Variants in FEZ1 observed in about 807,000 individuals in gnomAD.
FEZ1 encodes fasciculation and elongation protein zeta 1, also known as fasciculation and elongation protein zeta-1.
In FEZ1, 20 loss-of-function variants were observed where a neutral mutation model predicts 49.3. The ratio of observed to expected loss-of-function variants is 0.41; its 90% CI spans 0.29 to 0.59. The LOEUF (loss-of-function observed/expected upper bound fraction) is 0.59, where lower values mean the gene tolerates loss of function less well. Among genes scored for constraint, FEZ1 ranks in the 20% least tolerant of loss-of-function variants. The probability of loss-of-function intolerance (pLI) is 0.36; values close to 1 mark genes in which losing one functional copy is unlikely to be tolerated. For synonymous variants in FEZ1, 170 were observed against 180.9 expected, an observed-to-expected ratio of 0.94 and a Z score of 0.48; for missense variants, 413 against 476.0, an observed-to-expected ratio of 0.87 and a Z score of 1.23.
At chr11:125,468,400 G>A (rs1218899031) in intron 3 of FEZ1, among the ~76,000 whole-genome samples, 1 of 152,012 alleles carries the variant, frequency 6.6e-6, no homozygotes, top group East Asian at 1.9e-4. Context: ...TCTTTACCCA[G>A]GCTGGCTTCT....
chr11:125,467,586 C>G (rs1338442728), intron 3 of FEZ1, among the ~76,000 whole-genome samples: 4 of 152,328 alleles, frequency 2.6e-5, no homozygotes, highest in South Asian at 2.1e-4. Context: ...CATGGTGTCT[C>G]ATGCCTGTAA....
chr11:125,459,489 G>A (rs999733227), intron 5 of FEZ1, among the ~76,000 whole-genome samples: 1 of 152,100 alleles, frequency 6.6e-6, no homozygotes, highest in Non-Finnish European at 1.5e-5. Flanking sequence ...CTACTCAGGG[G>A]GCTGAGGCAG....
Position 125,491,564 on chromosome 11 carries a change from C to T in FEZ1, c.-45-1742G>A, listed in dbSNP as rs1481344229. On this transcript the variant is annotated intron_variant, in intron 1 of 9. Transcript: ENST00000278919. ...AGAAAGGCTACCAAGCTTTTCTCTT[C>T]GGTCTATAGGGTTATTGATATAGTT... 2.6e-5 allele frequency among the ~76,000 whole-genome samples: 4 copies of T among 152,164 alleles called. No individual in the cohort carries two copies. The East Asian group carries it at 5.8e-4, about 22-fold the overall frequency.
At chr11:125,461,100 A>G (rs1957070031) in intron 4 of FEZ1, among the ~76,000 whole-genome samples, 1 of 152,190 alleles carries the variant, frequency 6.6e-6, no homozygotes, top group South Asian at 2.1e-4. Context: ...ACAACACAAA[A>G]TGGGGAGGAA....
chr11:125,475,873 A>G (rs1220782003), intron 3 of FEZ1, among the ~76,000 whole-genome samples: 1 of 152,252 alleles, frequency 6.6e-6, no homozygotes, highest in Non-Finnish European at 1.5e-5. Flanking sequence ...GCTTCATTTG[A>G]AATATGCAAA....
At chr11:125,490,253 C>G (rs1565305662) in intron 1 of FEZ1, among the ~76,000 whole-genome samples, 1 of 152,164 alleles carries the variant, frequency 6.6e-6, no homozygotes, top group Non-Finnish European at 1.5e-5. Context: ...GCTGAAAATT[C>G]TCCATGACTT....
intron 5 of FEZ1, among the ~76,000 whole-genome samples, chr11:125,457,451 TGTATATATACAC>T (rs1490653259): frequency 0.065 from 5,051 of 77,376 alleles, 326 homozygotes; most frequent in East Asian, 0.098. Flanking sequence ...TATATATATA[TGTATATATACAC>T]ATATATATGT....
intron 6 of FEZ1, 73 bp from the exon 7 acceptor site, chr11:125,454,283 C>A (rs1956986428): frequency 1.7e-6 from 2 of 1,167,182 alleles, no homozygotes; most frequent in South Asian, 1.4e-5. Context: ...GACCTCTCAG[C>A]TACCAGGCTG....
chr11:125,485,519 C>T lies in FEZ1; in HGVS notation c.312-3886G>A, dbSNP rs116064818. 7.7e-3 allele frequency among the ~76,000 whole-genome samples: 1,173 copies of T among 152,296 alleles called. 15 individuals are homozygous for T. Among genetic ancestry groups the T allele is most frequent in the African/African-American group, 0.026 (1,087 of 41,550 alleles). On this transcript the variant is annotated intron_variant, in intron 2 of 9. Transcript: ENST00000278919. ...AAGGGCTTATTAGAATTCTAACTTG[C>T]TGACATTTCCCTCAAGCCTGGCTAC...
chr11:125,480,743 T>C (rs1249660057), intron 3 of FEZ1, among the ~76,000 whole-genome samples: 5 of 152,132 alleles, frequency 3.3e-5, no homozygotes, highest in Non-Finnish European at 5.9e-5. Context: ...GTTAGAAATA[T>C]TGATAGTAAT....
chr11:125,473,794 G>A lies in FEZ1; in HGVS notation c.411+7740C>T, dbSNP rs373587952. Among the ~76,000 whole-genome samples, 56 of 147,902 alleles carry A rather than the reference G, an allele frequency of 3.8e-4. No individual in the cohort carries two copies. The South Asian group carries it at 7.3e-3, about 19-fold the overall frequency. On this transcript the variant is annotated intron_variant, in intron 3 of 9. Transcript: ENST00000278919. ...ATATTGAGTCACTGCACTCCAGCCT[G>A]GGCAACAGAGCAAGACTCCATTTCA... is the stretch of plus-strand genomic sequence containing the variant.
At chr11:125,454,299 G>C in intron 6 of FEZ1, 89 bp from the exon 7 acceptor site, 1 of 923,332 alleles carries the variant, frequency 1.1e-6, no homozygotes, top group South Asian at 1.5e-5. Flanking sequence ...GGCTGTCCCA[G>C]ATAACGCCCC....
At chr11:125,482,771 C>T (rs1591599448) in intron 2 of FEZ1, among the ~76,000 whole-genome samples, 1 of 152,004 alleles carries the variant, frequency 6.6e-6, no homozygotes, top group Non-Finnish European at 1.5e-5. Context: ...CAAGATGAGA[C>T]TGGCCAACAT....
intron 2 of FEZ1, chr11:125,488,764 A>G (rs1380605689): frequency 1.0e-6 from 1 of 985,236 alleles, no homozygotes; most frequent in African/African-American, 1.7e-5. Context: ...AATGCCTAAG[A>G]CATCCTTCTT....
Position 125,481,710 on chromosome 11 carries a change from G to C in FEZ1, c.312-77C>G. The C allele has an allele frequency of 4.2e-6, 4 of 954,222 alleles. No individual in the cohort carries two copies. The South Asian group carries it at 5.1e-5, about 12-fold the overall frequency. 59.1% of individuals were successfully genotyped at this position (954,222 alleles called of 1,614,324 possible). A position where few individuals can be genotyped will look rare whatever the true frequency, so the allele number is the denominator to read the frequency against. ...CTGGAGGAAGGAAGAGCTGGGCCGG[G>C]AGAGGAGAGAGGCTTCTGTGTGTGC... On this transcript the variant is annotated intron_variant, in intron 2 of 9. Coordinates refer to ENST00000278919, the MANE Select transcript of FEZ1 (RefSeq NM_005103.5).
Position 125,481,537 on chromosome 11 carries a change from A to T in FEZ1, c.408T>A (p.Thr136=). The T allele has an allele frequency of 6.3e-7, 1 of 1,599,180 alleles. No homozygotes were observed. The highest frequency in any genetic ancestry group is 8.6e-7 in the Non-Finnish European group (1 of 1,166,492). ...ACCAGGGGCCCCGGAGAGGTACCTC[A>T]GTGTCAGAGCAGTTGCCATTCAGAG... The part of the protein sequence containing the change: ...IEALNGNCSD[T]EIHEKEEEEF... The change falls in exon 3 of 10, where the codon ACT becomes ACA. Residue 136 remains threonine (T), a synonymous_variant. Coordinates refer to ENST00000278919, the MANE Select transcript of FEZ1 (RefSeq NM_005103.5).
intron 8 of FEZ1, among the ~76,000 whole-genome samples, chr11:125,449,417 TAAAA>T (rs35920814): frequency 3.7e-4 from 10 of 27,010 alleles, no homozygotes; most frequent in South Asian, 6.8e-3. Flanking sequence ...TTTGTCTCTA[TAAAA>T]AAAAAAAAAA....
intron 1 of FEZ1, among the ~76,000 whole-genome samples, chr11:125,491,505 T>G (rs1957381706): frequency 6.6e-6 from 1 of 152,156 alleles, no homozygotes; most frequent in Non-Finnish European, 1.5e-5. Context: ...GCACAAGCAT[T>G]GCTGACTATC....
At chr11:125,482,388 T>C (rs1162013751) in intron 2 of FEZ1, among the ~76,000 whole-genome samples, 1 of 152,246 alleles carries the variant, frequency 6.6e-6, no homozygotes, top group Non-Finnish European at 1.5e-5. Flanking sequence ...CACCTCTGTC[T>C]ACACAATTTG....
Sources: gnomAD v4.1 joint callset for allele counts (sites outside exome capture counted in the v4.1 genomes callset) on GRCh38, gnomAD v4.1.1 for gene constraint, MANE v1.5 for transcripts, NCBI Gene and HGNC (gene_info 2026-07-23, HGNC 2026-07-21) for gene names.